ADK: variants seen among roughly 807,000 people sequenced by gnomAD.
ADK encodes N6,N6-dimethyladenosine kinase.
Under a neutral mutation model 44.7 loss-of-function variants are expected in ADK, and 24 were observed. The ratio of observed to expected loss-of-function variants is 0.54; its 90% CI spans 0.39 to 0.76. ADK has a LOEUF of 0.76. Ranked by LOEUF, ADK falls within the 30% of genes least tolerant of loss-of-function variation. ADK has a pLI of 0.00. For missense variants in ADK, 321 were observed against 425.1 expected (o/e 0.76, Z 2.15); for synonymous variants, 128 against 142.6 (o/e 0.90, Z 0.73).
chr10:74,449,448 C>A (rs1290940373), intron 6 of ADK, among the ~76,000 whole-genome samples: 2 of 151,982 alleles, frequency 1.3e-5, no homozygotes, highest in Non-Finnish European at 2.9e-5. Flanking sequence ...CAAGTTGTCA[C>A]CTCAAAAAAA....
chr10:74,261,227 G>A (rs754216783), intron 3 of ADK, among the ~76,000 whole-genome samples: 20 of 152,054 alleles, frequency 1.3e-4, no homozygotes, highest in African/African-American at 1.9e-4. Context: ...TTATAGCCTT[G>A]TTTATTCATT....
chr10:74,529,893 G>A (rs181313650), intron 7 of ADK, among the ~76,000 whole-genome samples: 9 of 152,242 alleles, frequency 5.9e-5, no homozygotes, highest in African/African-American at 1.9e-4. Flanking sequence ...AGTCTCAAAA[G>A]GTCTGTTGAT....
intron 9 of ADK, among the ~76,000 whole-genome samples, chr10:74,636,340 G>T (rs1193560469): frequency 1.4e-4 from 22 of 152,188 alleles, no homozygotes; most frequent in Non-Finnish European, 1.5e-5. Context: ...TTGAAGGGAA[G>T]TGGGAAACTA....
At chr10:74,181,705 A>T (rs1842564722) in intron 1 of ADK, among the ~76,000 whole-genome samples, 1 of 152,094 alleles carries the variant, frequency 6.6e-6, no homozygotes, top group Non-Finnish European at 1.5e-5. Context: ...TAGAATTTAG[A>T]CCTTCTGACT....
intron 3 of ADK, among the ~76,000 whole-genome samples, chr10:74,302,125 T>G (rs60630301): frequency 1.9e-4 from 21 of 110,838 alleles, no homozygotes; most frequent in African/African-American, 3.8e-4. Context: ...TTTTTTTTTT[T>G]TTTTTTTTTT....
intron 3 of ADK, among the ~76,000 whole-genome samples, chr10:74,302,644 A>C (rs1243990171): frequency 6.6e-6 from 1 of 152,036 alleles, no homozygotes; most frequent in Non-Finnish European, 1.5e-5. Context: ...AAATATTTTA[A>C]AATGAGCTGG....
At chr10:74,364,687 GGTGTGTGTGTGTGTGTGTGTGT>G (rs58295310) in intron 4 of ADK, among the ~76,000 whole-genome samples, 8 of 136,362 alleles carry the variant, frequency 5.9e-5, no homozygotes, top group South Asian at 2.6e-4. Context: ...CAAAGGCTAT[GGTGTGTGTGTGTGTGTGTGTGT>G]GTGTGTGTGT....
chr10:74,567,945 C>T (rs1367563169), intron 7 of ADK, among the ~76,000 whole-genome samples: 3 of 152,138 alleles, frequency 2.0e-5, no homozygotes, highest in East Asian at 1.9e-4. Flanking sequence ...GTAATCCGCC[C>T]GCCTCAGCTT....
At chr10:74,368,016 A>C (rs184893496) in intron 4 of ADK, among the ~76,000 whole-genome samples, 4 of 152,222 alleles carry the variant, frequency 2.6e-5, no homozygotes, top group African/African-American at 9.7e-5. Context: ...TAAATTGTTA[A>C]AATACGGAAT....
intron 3 of ADK, among the ~76,000 whole-genome samples, chr10:74,249,922 C>G (rs1182880265): frequency 6.6e-6 from 1 of 152,138 alleles, no homozygotes; most frequent in Non-Finnish European, 1.5e-5. Context: ...AGTAATTTTC[C>G]TGCACTCATA....
intron 4 of ADK, among the ~76,000 whole-genome samples, chr10:74,353,783 G>A (rs1450001713): frequency 6.6e-6 from 1 of 152,122 alleles, no homozygotes; most frequent in African/African-American, 2.4e-5. Flanking sequence ...CAGGAGAATG[G>A]CATGAACACA....
At chr10:74,273,315 C>A (rs1846514544) in intron 3 of ADK, among the ~76,000 whole-genome samples, 1 of 152,184 alleles carries the variant, frequency 6.6e-6, no homozygotes, top group East Asian at 1.9e-4. Context: ...AAGGCCCAGC[C>A]ATTTTGTTCA....
intron 6 of ADK, among the ~76,000 whole-genome samples, chr10:74,473,582 A>G (rs981754094): frequency 2.0e-5 from 3 of 152,150 alleles, no homozygotes; most frequent in Non-Finnish European, 4.4e-5. Context: ...ATATCTTTCA[A>G]TTTGAGTTTA....
At chr10:74,529,136 C>G (rs550074706) in intron 7 of ADK, among the ~76,000 whole-genome samples, 2 of 152,064 alleles carry the variant, frequency 1.3e-5, no homozygotes, top group South Asian at 4.1e-4. Flanking sequence ...GATGAATAAA[C>G]AAAATTTCAT....
At chr10:74,573,055 T>C (rs1300673575) in intron 7 of ADK, among the ~76,000 whole-genome samples, 4 of 152,244 alleles carry the variant, frequency 2.6e-5, no homozygotes, top group Admixed American at 2.6e-4. Context: ...AGGAGCTGCG[T>C]TCCTTTGGAG....
intron 6 of ADK, among the ~76,000 whole-genome samples, chr10:74,439,248 GCC>G (rs1264255080): frequency 6.6e-6 from 1 of 152,158 alleles, no homozygotes; most frequent in African/African-American, 2.4e-5. Context: ...AGAGCATAAT[GCC>G]CTTAGCAAGT....
At chr10:74,555,505 G>T (rs1850209725) in intron 7 of ADK, among the ~76,000 whole-genome samples, 1 of 151,554 alleles carries the variant, frequency 6.6e-6, no homozygotes. Context: ...CAGCATTTTG[G>T]AAGGCCAAGG....
chr10:74,370,203 T>C (rs187584097), intron 4 of ADK, among the ~76,000 whole-genome samples: 166 of 152,306 alleles, frequency 1.1e-3, no homozygotes, highest in African/African-American at 3.9e-3. Flanking sequence ...GCTATATACA[T>C]AAGCCAAAAC....
At chr10:74,519,636 A>G (rs1004743563) in intron 6 of ADK, among the ~76,000 whole-genome samples, 2 of 152,086 alleles carry the variant, frequency 1.3e-5, no homozygotes, top group African/African-American at 4.8e-5. Flanking sequence ...AAAGAGTATA[A>G]TCAACCCTTC....
Sources: allele counts gnomAD v4.1 joint callset (sites outside exome capture counted in the v4.1 genomes callset), GRCh38; gene constraint gnomAD v4.1.1; transcripts MANE v1.5; gene names NCBI Gene and HGNC (gene_info 2026-07-23, HGNC 2026-07-21).